Variants in JPH3 observed in about 807,000 individuals in gnomAD.
JPH3 encodes junctophilin-3.
In JPH3, 11 loss-of-function variants were observed where a neutral mutation model predicts 59.6. The ratio of observed to expected loss-of-function variants is 0.18; its 90% CI spans 0.12 to 0.31. The LOEUF (loss-of-function observed/expected upper bound fraction) is 0.31. JPH3 is among the 10% of genes least tolerant of loss of function. The pLI is 1.00. For synonymous variants in JPH3, 673 were observed against 483.6 expected, an observed-to-expected ratio of 1.39 and a Z score of -5.14; for missense variants, 1,202 against 1,105.7, an observed-to-expected ratio of 1.09 and a Z score of -1.24.
At chr16:87,665,113 G>A (rs1051288918) in intron 2 of JPH3, among the ~76,000 whole-genome samples, 3 of 152,130 alleles carry the variant, frequency 2.0e-5, no homozygotes, top group Admixed American at 6.5e-5. Context: ...TCCAGGGAGG[G>A]AGGTCATGAG....
intron 2 of JPH3, among the ~76,000 whole-genome samples, chr16:87,661,727 G>GT (rs1162963896): frequency 2.0e-5 from 3 of 152,246 alleles, no homozygotes; most frequent in African/African-American, 7.2e-5. Context: ...ACCTCGGAGA[G>GT]TTCCCCGCAG....
At chr16:87,628,488 C>T (rs1367288197) in intron 1 of JPH3, among the ~76,000 whole-genome samples, 2 of 152,234 alleles carry the variant, frequency 1.3e-5, no homozygotes, top group Non-Finnish European at 2.9e-5. Flanking sequence ...GCCTTGCCTG[C>T]TCTGTTGCCC....
intron 1 of JPH3, among the ~76,000 whole-genome samples, chr16:87,637,176 C>T (rs777575418): frequency 2.6e-5 from 4 of 152,360 alleles, no homozygotes; most frequent in South Asian, 2.1e-4. Flanking sequence ...CTGCTACCCT[C>T]ACCTCACTAC....
Position 87,623,329 on chromosome 16 carries a change from C to A in JPH3, c.382+19801C>A, listed in dbSNP as rs995740664. ...CACTGATGTCCTTGGCTCATTCCTC[C>A]CTGGCTGGCTGCTCTGATGTCCAGC... On this transcript the variant is annotated intron_variant, in intron 1 of 4. Transcript: ENST00000284262. Among the ~76,000 whole-genome samples the A allele has an allele frequency of 6.6e-5, 10 of 152,194 alleles. No individual in the cohort carries two copies. In the East Asian group the frequency reaches 1.5e-3, roughly 23 times the overall value.
chr16:87,659,203 C>G (rs1011853089), intron 2 of JPH3, among the ~76,000 whole-genome samples: 4 of 151,604 alleles, frequency 2.6e-5, no homozygotes, highest in African/African-American at 7.3e-5. Context: ...GCAAGATCCC[C>G]TCTCTACTGA....
chr16:87,640,825 C>T (rs79613350), intron 1 of JPH3, among the ~76,000 whole-genome samples: 6,725 of 152,326 alleles, frequency 0.044, 185 homozygotes, highest in South Asian at 0.1. Context: ...AGCCCTGGCA[C>T]GGAAGGGGCA....
chr16:87,642,992 C>A (rs959153497), intron 1 of JPH3, among the ~76,000 whole-genome samples: 2 of 152,170 alleles, frequency 1.3e-5, no homozygotes, highest in Non-Finnish European at 2.9e-5. Context: ...TCACTGTTTA[C>A]CTCCAAGGCT....
At chr16:87,657,398 GGAA>G (rs2032538949) in intron 2 of JPH3, among the ~76,000 whole-genome samples, 1 of 152,132 alleles carries the variant, frequency 6.6e-6, no homozygotes, top group Non-Finnish European at 1.5e-5. Flanking sequence ...GGCTGGGGTG[GGAA>G]CAACGGGGAG....
At chr16:87,658,399 C>T (rs1415425255) in intron 2 of JPH3, among the ~76,000 whole-genome samples, 2 of 144,856 alleles carry the variant, frequency 1.4e-5, no homozygotes, top group Admixed American at 6.8e-5. Context: ...TCTTTTCCTC[C>T]CTCTCTGTCC....
chr16:87,672,788 T>A (rs1332714828), intron 2 of JPH3, among the ~76,000 whole-genome samples: 3 of 152,170 alleles, frequency 2.0e-5, no homozygotes, highest in African/African-American at 7.2e-5. Flanking sequence ...GCCGCTCAGG[T>A]GGCCATTGGG....
intron 1 of JPH3, among the ~76,000 whole-genome samples, chr16:87,616,883 G>A (rs1032659036): frequency 2.6e-5 from 4 of 152,162 alleles, no homozygotes; most frequent in East Asian, 3.9e-4. Context: ...GCTGGCTTTC[G>A]TCACTCAGCC....
chr16:87,695,871 T>G (rs1349102062), intron 4 of JPH3: 1 of 455,884 alleles, frequency 2.2e-6, no homozygotes, highest in Non-Finnish European at 4.4e-6. Flanking sequence ...TTGGTCCGAG[T>G]GCCCAGGCTG....
At chr16:87,609,660 CAG>C (rs939812003) in intron 1 of JPH3, among the ~76,000 whole-genome samples, 8 of 152,318 alleles carry the variant, frequency 5.3e-5, no homozygotes, top group South Asian at 2.1e-4. Flanking sequence ...TGGAGCATAA[CAG>C]GGGTCATAGG....
intron 2 of JPH3, among the ~76,000 whole-genome samples, chr16:87,665,347 G>T (rs765479604): frequency 1.3e-5 from 2 of 151,850 alleles, no homozygotes; most frequent in Non-Finnish European, 2.9e-5. Flanking sequence ...TCTTGGGGTA[G>T]GGTCTGAGCC....
At chr16:87,668,315 T>C (rs2032928015) in intron 2 of JPH3, among the ~76,000 whole-genome samples, 2 of 152,192 alleles carry the variant, frequency 1.3e-5, no homozygotes, top group Admixed American at 1.3e-4. Context: ...GGGTTACATC[T>C]GGGCCTGTCC....
intron 4 of JPH3, 134 bp from the exon 5 acceptor site, chr16:87,696,446 T>C: frequency 5.5e-6 from 4 of 731,812 alleles, no homozygotes; most frequent in South Asian, 3.1e-5. Context: ...TGTCCAAGCG[T>C]TTCTAACATC....
intron 4 of JPH3, chr16:87,695,219 C>A: frequency 2.3e-6 from 1 of 432,218 alleles, no homozygotes; most frequent in Admixed American, 2.4e-5. Flanking sequence ...GAGCAGCCCT[C>A]ACCTGGTGCC....
intron 1 of JPH3, among the ~76,000 whole-genome samples, chr16:87,616,275 C>G (rs2030966140): frequency 6.9e-6 from 1 of 144,790 alleles, no homozygotes; most frequent in Non-Finnish European, 1.5e-5. Flanking sequence ...GTTCTATTGC[C>G]CAGGCGGGAG....
chr16:87,689,885 G>C lies in JPH3; in HGVS notation c.1525G>C (p.Glu509Gln). 2 of 1,481,708 alleles carry C rather than the reference G, an allele frequency of 1.3e-6. No individual in the cohort carries two copies. The highest frequency in any genetic ancestry group is 9.0e-7 in the Non-Finnish European group (1 of 1,115,896). The allele number at this position is 1,481,708 out of a possible 1,614,324, so 91.8% of individuals were successfully genotyped here. The change falls in exon 4 of 5, where the codon GAG (glutamate) becomes CAG (glutamine). Residue 509 changes from glutamate to glutamine, a missense_variant. Coordinates refer to ENST00000284262, the MANE Select transcript of JPH3 (RefSeq NM_020655.4). ...CTTCTCGAGGCAGGTGTCGGTGGAC[G>C]AGGAGCGGGGCGGGGACATCCAGAT... is the stretch of plus-strand genomic sequence containing the variant. ...AHFSRQVSVDEERGGDIQMLL... is the reference protein window; with the variant it reads ...AHFSRQVSVDQERGGDIQMLL...
Sources: gnomAD v4.1 joint callset for allele counts (sites outside exome capture counted in the v4.1 genomes callset) on GRCh38, gnomAD v4.1.1 for gene constraint, MANE v1.5 for transcripts, NCBI Gene and HGNC (gene_info 2026-07-23, HGNC 2026-07-21) for gene names.